Variants in ANKMY2 observed in about 807,000 individuals in gnomAD.
ANKMY2 encodes the protein ankyrin repeat and MYND domain containing 2.
ANKMY2 carries 36 observed loss-of-function variants against 50.4 expected under a neutral mutation model. That is an observed-to-expected ratio of 0.71 (90% CI 0.55 to 0.94). The LOEUF is 0.94. Ranked by LOEUF, ANKMY2 falls within the 40% of genes least tolerant of loss-of-function variation. The pLI is 0.00. For missense variants in ANKMY2, 565 were observed against 524.0 expected, an observed-to-expected ratio of 1.08 and a Z score of -0.76; for synonymous variants, 187 against 178.8, an observed-to-expected ratio of 1.05 and a Z score of -0.36.
intron 9 of ANKMY2, 104 bp from the exon 10 acceptor site, chr7:16,601,049 T>C (rs1781053114): frequency 3.6e-6 from 3 of 844,050 alleles, no homozygotes; most frequent in Non-Finnish European, 5.1e-6. Flanking sequence ...ACATGAGGTA[T>C]ATTAGTATCT....
chr7:16,627,259 CAT>C (rs1245736406), intron 2 of ANKMY2, 81 bp from the exon 3 acceptor site: 21 of 895,580 alleles, frequency 2.3e-5, no homozygotes, highest in Non-Finnish European at 3.2e-5. Flanking sequence ...CAATTAGAAA[CAT>C]AAAACGAATA....
intron 1 of ANKMY2, among the ~76,000 whole-genome samples, chr7:16,642,235 GT>G (rs1411052030): frequency 6.6e-6 from 1 of 152,126 alleles, no homozygotes; most frequent in South Asian, 2.1e-4. Flanking sequence ...CTTAAAAAAG[GT>G]TTAATTTATT....
At chr7:16,618,840 GAGA>G (rs748797426) in intron 4 of ANKMY2, among the ~76,000 whole-genome samples, 34 of 149,248 alleles carry the variant, frequency 2.3e-4, no homozygotes, top group Non-Finnish European at 4.4e-4. Flanking sequence ...GAAGAAACCA[GAGA>G]AGATGAAGAC....
Position 16,636,407 on chromosome 7 carries a change from A to G in ANKMY2, c.116T>C (p.Val39Ala), listed in dbSNP as rs1781662108. The G allele has an allele frequency of 6.2e-7, 1 of 1,603,020 alleles. No homozygotes were observed. The highest frequency in any genetic ancestry group is 1.3e-5 in the African/African-American group (1 of 74,194). ...GTLLSSKNVR[V>A]NCLDENGMTP... is the part of the protein sequence containing the mutation. ...AAATCTTACCTCGTCCAAACAGTTG[A>G]CACGAACATTCTTGCTGGATAATAA... Residue 39 changes from valine (V) to alanine (A), a missense_variant, in exon 2 of 10, where the codon GTC becomes GCC. By Grantham distance (64) the Val-to-Ala change is moderately conservative. Coordinates refer to ENST00000306999, the MANE Select transcript of ANKMY2 (RefSeq NM_020319.3).
At chr7:16,623,825 A>G (rs945653768) in intron 4 of ANKMY2, among the ~76,000 whole-genome samples, 2 of 152,166 alleles carry the variant, frequency 1.3e-5, no homozygotes, top group Admixed American at 6.6e-5. Context: ...TGAAATGAAA[A>G]TAAGGATACT....
At chr7:16,618,421 C>T (rs79948962) in intron 4 of ANKMY2, among the ~76,000 whole-genome samples, 1 of 151,994 alleles carries the variant, frequency 6.6e-6, no homozygotes, top group African/African-American at 2.4e-5. Context: ...AATTAACAGA[C>T]ATCTCAAAGG....
At chr7:16,643,054 C>G (rs1303195593) in intron 1 of ANKMY2, among the ~76,000 whole-genome samples, 1 of 152,178 alleles carries the variant, frequency 6.6e-6, no homozygotes, top group African/African-American at 2.4e-5. Context: ...ATATTTATCA[C>G]AAACACAAGC....
At chr7:16,643,045 T>C (rs974136799) in intron 1 of ANKMY2, among the ~76,000 whole-genome samples, 4 of 152,214 alleles carry the variant, frequency 2.6e-5, no homozygotes, top group African/African-American at 9.7e-5. Context: ...AAGATTACTA[T>C]ATTTATCACA....
rs1237406093 is a variant in ANKMY2, at chr7:16,609,721, T to C, written c.791A>G (p.Glu264Gly). The change falls in exon 7 of 10, where the codon GAA (glutamate) becomes GGA (glycine). Residue 264 changes from glutamate to glycine, a missense_variant. Physicochemically the swap from Glu to Gly is moderately conservative, Grantham distance 98 (BLOSUM62 -2). Coordinates refer to ENST00000306999, the MANE Select transcript of ANKMY2 (RefSeq NM_020319.3). ...RASDGFPVYQ[E>G]KIIRESIRKF... Reference sequence around the variant, plus strand: ...TCTGATACTTTCTCTAATGATCTTTTCTTGATACACTGGAAAGCCATCAGA... The same window carrying C: ...TCTGATACTTTCTCTAATGATCTTTCCTTGATACACTGGAAAGCCATCAGA... 1 of 1,611,724 alleles carries C rather than the reference T, an allele frequency of 6.2e-7. No homozygotes were observed. The highest frequency in any genetic ancestry group is 8.5e-7 in the Non-Finnish European group (1 of 1,179,388).
chr7:16,640,493 GTA>G (rs1781729289), intron 1 of ANKMY2, among the ~76,000 whole-genome samples: 1 of 152,034 alleles, frequency 6.6e-6, no homozygotes, highest in Non-Finnish European at 1.5e-5. Flanking sequence ...ATTCAAACAC[GTA>G]TAGATTTCAA....
chr7:16,611,594 A>C (rs1781252706), intron 5 of ANKMY2, among the ~76,000 whole-genome samples: 1 of 152,192 alleles, frequency 6.6e-6, no homozygotes, highest in Non-Finnish European at 1.5e-5. Flanking sequence ...CCAAATGCCT[A>C]GAGAGAATAG....
intron 4 of ANKMY2, among the ~76,000 whole-genome samples, chr7:16,619,744 C>A (rs914634914): frequency 2.8e-4 from 43 of 152,002 alleles, no homozygotes; most frequent in African/African-American, 1.0e-3. Context: ...GGTGGAGAAG[C>A]CAGTACATCA....
chr7:16,643,536 C>T (rs1409862045), intron 1 of ANKMY2, among the ~76,000 whole-genome samples: 3 of 149,444 alleles, frequency 2.0e-5, no homozygotes, highest in Admixed American at 6.6e-5. Context: ...TCAGTGCACT[C>T]ATGCAACTTG....
chr7:16,609,083 C>T (rs919223813), intron 7 of ANKMY2, among the ~76,000 whole-genome samples: 2 of 152,142 alleles, frequency 1.3e-5, no homozygotes, highest in African/African-American at 2.4e-5. Flanking sequence ...TAACAAAATA[C>T]ACTTATATAG....
rs200724861 is a variant in ANKMY2 at position 16,636,433 on chromosome 7, T to C, written c.90A>G (p.Thr30=). The part of the protein sequence containing the change: ...IGKGTVQEAG[T]LLSSKNVRVN... ...CACGAACATTCTTGCTGGATAATAA[T>C]GTTCCAGCTTCTTGGACAGTACCTA... Residue 30 remains threonine (T), a synonymous_variant, in exon 2 of 10, where the codon ACA becomes ACG. Coordinates refer to ENST00000306999, the MANE Select transcript of ANKMY2 (RefSeq NM_020319.3). 3.3e-5 allele frequency: 52 copies of C among 1,597,446 alleles called. No homozygotes were observed. The African/African-American group carries it at 5.6e-4, about 17-fold the overall frequency.
chr7:16,615,583 G>A (rs755796998), intron 5 of ANKMY2, among the ~76,000 whole-genome samples, 161 bp downstream of exon 5: 9 of 152,132 alleles, frequency 5.9e-5, no homozygotes, highest in Non-Finnish European at 1.0e-4. Context: ...AGGTTTCAAC[G>A]GAGAGTGTTC....
chr7:16,620,424 A>T (rs1449487801), intron 4 of ANKMY2, among the ~76,000 whole-genome samples: 1 of 152,266 alleles, frequency 6.6e-6, no homozygotes, highest in Non-Finnish European at 1.5e-5. Flanking sequence ...GGCAGAAAGG[A>T]AAGACCTGTG....
chr7:16,609,705 T>A lies in ANKMY2; in HGVS notation c.807A>T (p.Glu269Asp). 6.2e-7 allele frequency: 1 copy of A among 1,612,734 alleles called. No individual in the cohort carries two copies. Among genetic ancestry groups the A allele is most frequent in the East Asian group, 2.2e-5 (1 of 44,734 alleles). The stretch of plus-strand genomic sequence containing the variant: ...CACAGTAAGGAAATTTTCTGATACT[T>A]TCTCTAATGATCTTTTCTTGATACA... ...FPVYQEKIIR[E>D]SIRKFPYCEA... The change falls in exon 7 of 10, where the codon GAA (glutamate) becomes GAT (aspartate). Residue 269 changes from glutamate (E) to aspartate (D), a missense_variant. Coordinates refer to ENST00000306999, the MANE Select transcript of ANKMY2 (RefSeq NM_020319.3).
At chr7:16,637,043 T>G (rs1326480097) in intron 1 of ANKMY2, among the ~76,000 whole-genome samples, 1 of 152,198 alleles carries the variant, frequency 6.6e-6, no homozygotes, top group Non-Finnish European at 1.5e-5. Flanking sequence ...TCTGTAAATT[T>G]GGAAAGAAGC....
Sources: gnomAD v4.1 joint callset for allele counts (sites outside exome capture counted in the v4.1 genomes callset) on GRCh38, gnomAD v4.1.1 for gene constraint, MANE v1.5 for transcripts, NCBI Gene and HGNC (gene_info 2026-07-23, HGNC 2026-07-21) for gene names.